OR9Q1: variants seen among roughly 807,000 people sequenced by gnomAD.
OR9Q1 encodes olfactory receptor family 9 subfamily Q member 1.
For synonymous variants in OR9Q1, 153 were observed against 148.6 expected (o/e 1.03, Z -0.22); for missense variants, 374 against 378.8 (o/e 0.99, Z 0.11).
intron 2 of OR9Q1, chr11:58,171,766 T>C (rs938106994): frequency 2.6e-5 from 4 of 152,164 alleles, no homozygotes; most frequent in African/African-American, 9.7e-5. Flanking sequence ...ACCTCCTCTG[T>C]TGTACTAACC....
chr11:58,112,333 G>A (rs749147311), intron 2 of OR9Q1, among the ~76,000 whole-genome samples: 12 of 151,758 alleles, frequency 7.9e-5, no homozygotes, highest in East Asian at 3.9e-4. Context: ...TCTTTGAGGC[G>A]CTTAGAAGAT....
chr11:58,034,458 AAAG>A (rs1288340270), intron 1 of OR9Q1, among the ~76,000 whole-genome samples: 2 of 152,174 alleles, frequency 1.3e-5, no homozygotes, highest in Non-Finnish European at 2.9e-5. Flanking sequence ...AGACAAATTG[AAAG>A]AAGAATAATA....
intron 1 of OR9Q1, among the ~76,000 whole-genome samples, chr11:58,032,325 A>G (rs527893988): frequency 3.9e-5 from 6 of 152,346 alleles, no homozygotes; most frequent in Non-Finnish European, 7.3e-5. Context: ...AAAAAAACCA[A>G]AAAAATAAAT....
chr11:58,179,261 A>C (rs951670228), intron 2 of OR9Q1, among the ~76,000 whole-genome samples, 170 bp from the exon 3 acceptor site: 1 of 152,108 alleles, frequency 6.6e-6, no homozygotes, highest in South Asian at 2.1e-4. Context: ...CCTGGGCTCA[A>C]GTGATCCCAC....
chr11:58,059,565 G>A (rs904302514), intron 2 of OR9Q1, among the ~76,000 whole-genome samples: 14 of 151,620 alleles, frequency 9.2e-5, no homozygotes, highest in Non-Finnish European at 5.9e-5. Context: ...GTGTGGTGGC[G>A]CATGCCTGTA....
At chr11:58,113,462 CT>C (rs771360529) in intron 2 of OR9Q1, among the ~76,000 whole-genome samples, 1 of 152,200 alleles carries the variant, frequency 6.6e-6, no homozygotes, top group Non-Finnish European at 1.5e-5. Flanking sequence ...CTAGGAGACA[CT>C]TCCCAACTCA....
intron 2 of OR9Q1, among the ~76,000 whole-genome samples, chr11:58,122,252 C>A (rs1031562909): frequency 2.0e-5 from 3 of 152,160 alleles, no homozygotes; most frequent in African/African-American, 7.2e-5. Flanking sequence ...GAGACATTGA[C>A]AGATCACGTC....
chr11:58,027,467 G>C (rs1018053262), intron 1 of OR9Q1, among the ~76,000 whole-genome samples: 2 of 152,166 alleles, frequency 1.3e-5, no homozygotes, highest in Non-Finnish European at 2.9e-5. Context: ...ACGTTTTAAA[G>C]AGTTGCAAAA....
intron 1 of OR9Q1, among the ~76,000 whole-genome samples, chr11:58,030,137 C>T (rs550831341): frequency 9.2e-5 from 14 of 152,278 alleles, no homozygotes; most frequent in South Asian, 8.3e-4. Flanking sequence ...CCACCGGGCC[C>T]GGCCTCTGGC....
At chr11:58,147,220 G>A (rs1434808951) in intron 2 of OR9Q1, among the ~76,000 whole-genome samples, 1 of 152,138 alleles carries the variant, frequency 6.6e-6, no homozygotes, top group Non-Finnish European at 1.5e-5. Flanking sequence ...CAAAATTAGG[G>A]AAATATGTTT....
chr11:58,137,664 G>C (rs903395022), intron 2 of OR9Q1, among the ~76,000 whole-genome samples: 2 of 152,034 alleles, frequency 1.3e-5, no homozygotes, highest in African/African-American at 2.4e-5. Flanking sequence ...ACAGTGGCTG[G>C]GTACATGACC....
At chr11:58,117,550 G>A (rs560066731) in intron 2 of OR9Q1, 17 of 152,250 alleles carry the variant, frequency 1.1e-4, no homozygotes, top group African/African-American at 4.1e-4. Context: ...TGTTCTCAAG[G>A]GTTTTACAGT....
At chr11:58,056,179 A>G (rs1016158838) in intron 2 of OR9Q1, among the ~76,000 whole-genome samples, 8 of 152,202 alleles carry the variant, frequency 5.3e-5, no homozygotes, top group Non-Finnish European at 1.2e-4. Context: ...CCTGGTGTAA[A>G]TACTCCCACT....
chr11:58,072,307 T>C (rs941264488), intron 2 of OR9Q1: 4 of 152,420 alleles, frequency 2.6e-5, no homozygotes, highest in Non-Finnish European at 5.9e-5. Flanking sequence ...TATTTTTGGA[T>C]ACATGAAATT....
intron 2 of OR9Q1, chr11:58,073,049 T>A: frequency 4.8e-6 from 1 of 207,008 alleles, no homozygotes; most frequent in South Asian, 1.0e-4. Context: ...AGCCATAAAC[T>A]GTGTTGTAGT....
chr11:58,063,672 C>G (rs1465978624), intron 2 of OR9Q1, among the ~76,000 whole-genome samples: 1 of 151,952 alleles, frequency 6.6e-6, no homozygotes, highest in Non-Finnish European at 1.5e-5. Flanking sequence ...CATTTGAAGC[C>G]TCAGTGGAAT....
In OR9Q1 at chr11:58,072,468, C is replaced by T. The variant is rs117818644; in HGVS notation, c.-15+16521C>T. 6.6e-4 allele frequency: 110 copies of T among 166,304 alleles called. 1 individual carries two copies. In the East Asian group the frequency reaches 0.016, roughly 24 times the overall value. The allele number at this position is 166,304 out of a possible 1,614,324, so 10.3% of individuals were successfully genotyped here. ...GGAAGAAATTATGACCTTAGTATGT[C>T]AGAAAATGATCACTTAGCAGATGTG... is the stretch of plus-strand genomic sequence containing the variant. On this transcript the variant is annotated intron_variant, in intron 2 of 2. Coordinates refer to ENST00000335397, the MANE Select transcript of OR9Q1 (RefSeq NM_001005212.4).
chr11:58,122,412 G>A (rs1034251858), intron 2 of OR9Q1, among the ~76,000 whole-genome samples: 5 of 152,230 alleles, frequency 3.3e-5, no homozygotes, highest in African/African-American at 1.2e-4. Context: ...AACTTCAAAC[G>A]TTTATTTTCC....
chr11:58,166,750 T>A (rs762553391), intron 2 of OR9Q1, among the ~76,000 whole-genome samples: 24 of 152,128 alleles, frequency 1.6e-4, no homozygotes, highest in Non-Finnish European at 2.8e-4. Context: ...TGGCATGAGA[T>A]TCAAAAGGAG....
Sources: allele counts gnomAD v4.1 joint callset (sites outside exome capture counted in the v4.1 genomes callset), GRCh38; gene constraint gnomAD v4.1.1; transcripts MANE v1.5; gene names NCBI Gene and HGNC (gene_info 2026-07-23, HGNC 2026-07-21).